The following DLC1 variants were observed in gnomAD, a reference collection of about 807,000 sequenced individuals.
DLC1 encodes the protein rho GTPase-activating protein 7.
Under a neutral mutation model 140.3 loss-of-function variants are expected in DLC1, and 54 were observed. That is an observed-to-expected ratio of 0.38 (90% CI 0.31 to 0.48). DLC1 has a LOEUF of 0.48. Among genes scored for constraint, DLC1 ranks in the 20% least tolerant of loss-of-function variants. The probability of loss-of-function intolerance (pLI) is 0.96; values close to 1 mark genes in which losing one functional copy is unlikely to be tolerated. For missense variants in DLC1, 2,536 were observed against 1,907.0 expected, an observed-to-expected ratio of 1.33 and a Z score of -6.14; for synonymous variants, 986 against 728.1, an observed-to-expected ratio of 1.35 and a Z score of -5.70.
At chr8:13,175,818 C>T (rs1825729094) in intron 5 of DLC1, among the ~76,000 whole-genome samples, 1 of 152,152 alleles carries the variant, frequency 6.6e-6, no homozygotes, top group South Asian at 2.1e-4. Flanking sequence ...AATCATGATA[C>T]AGAACTGTTC....
chr8:13,454,850 GC>G (rs1160299884), intron 2 of DLC1, among the ~76,000 whole-genome samples: 1 of 152,094 alleles, frequency 6.6e-6, no homozygotes, highest in African/African-American at 2.4e-5. Flanking sequence ...ATTGTGCCTG[GC>G]CAAGAGTTTT....
At chr8:13,367,275 T>C (rs767645961) in intron 4 of DLC1, among the ~76,000 whole-genome samples, 1 of 152,162 alleles carries the variant, frequency 6.6e-6, no homozygotes, top group South Asian at 2.1e-4. Flanking sequence ...ACTCAGGACG[T>C]GAAATGCATC....
intron 4 of DLC1, among the ~76,000 whole-genome samples, chr8:13,359,024 C>T (rs1340994244): frequency 3.9e-5 from 6 of 152,258 alleles, no homozygotes; most frequent in African/African-American, 1.4e-4. Context: ...CTGCAAGCTC[C>T]GCGTCCCGGG....
At chr8:13,413,942 G>A (rs935913622) in intron 2 of DLC1, among the ~76,000 whole-genome samples, 4 of 152,018 alleles carry the variant, frequency 2.6e-5, no homozygotes, top group Middle Eastern at 3.4e-3. Flanking sequence ...CTGGGAGAGG[G>A]GCAAAGAAAC....
At chr8:13,565,541 A>C (rs1230932092) in intron 1 of DLC1, among the ~76,000 whole-genome samples, 1 of 152,208 alleles carries the variant, frequency 6.6e-6, no homozygotes, top group Admixed American at 6.5e-5. Flanking sequence ...TGAATAAATG[A>C]AGTTGGAGTC....
At chr8:13,445,544 G>A (rs1252612466) in intron 2 of DLC1, among the ~76,000 whole-genome samples, 5 of 152,216 alleles carry the variant, frequency 3.3e-5, no homozygotes, top group African/African-American at 1.2e-4. Flanking sequence ...AATGATTAAA[G>A]CTGTCAATTA....
At chr8:13,458,732 C>G (rs79999369) in intron 2 of DLC1, among the ~76,000 whole-genome samples, 5,251 of 152,060 alleles carry the variant, frequency 0.035, 308 homozygotes, top group African/African-American at 0.12. Context: ...ATTTCTTTCC[C>G]TCAAAGCAGA....
intron 1 of DLC1, among the ~76,000 whole-genome samples, chr8:13,582,319 C>T (rs1049332598): frequency 5.3e-5 from 8 of 152,136 alleles, no homozygotes; most frequent in East Asian, 3.9e-4. Context: ...ATGGTTAATA[C>T]TAAATGTCAA....
At chr8:13,265,446 ATACTT>A (rs1830645563) in intron 5 of DLC1, among the ~76,000 whole-genome samples, 1 of 152,186 alleles carries the variant, frequency 6.6e-6, no homozygotes, top group African/African-American at 2.4e-5. Flanking sequence ...CACTCAGAAA[ATACTT>A]TATGCAGCAA....
intron 5 of DLC1, among the ~76,000 whole-genome samples, chr8:13,227,535 T>C (rs1026230382): frequency 4.6e-5 from 7 of 152,190 alleles, no homozygotes; most frequent in African/African-American, 1.4e-4. Flanking sequence ...ATTCAAGATA[T>C]AGGCTATCTC....
chr8:13,495,459 C>G (rs1447728738), intron 2 of DLC1, among the ~76,000 whole-genome samples: 1 of 152,152 alleles, frequency 6.6e-6, no homozygotes, highest in East Asian at 1.9e-4. Context: ...TGTCACCCAA[C>G]CTTATGGCAC....
At chr8:13,174,471 C>G (rs769467376) in intron 5 of DLC1, among the ~76,000 whole-genome samples, 1 of 152,210 alleles carries the variant, frequency 6.6e-6, no homozygotes, top group African/African-American at 2.4e-5. Context: ...AACTAAGGTA[C>G]ATTCCTACCA....
intron 1 of DLC1, among the ~76,000 whole-genome samples, chr8:13,546,898 C>T (rs1250533008): frequency 6.6e-6 from 1 of 152,042 alleles, no homozygotes; most frequent in Non-Finnish European, 1.5e-5. Flanking sequence ...CTGAAGTAGA[C>T]ATTTTATGTA....
At chr8:13,377,493 C>T (rs1836054349) in intron 4 of DLC1, among the ~76,000 whole-genome samples, 1 of 152,000 alleles carries the variant, frequency 6.6e-6, no homozygotes, top group African/African-American at 2.4e-5. Flanking sequence ...AGGTGAGTAA[C>T]CTTGAAAATT....
In DLC1 at chr8:13,132,913, A is replaced by G. The variant is rs10107321; in HGVS notation, c.1349-17256T>C. On this transcript the variant is annotated intron_variant, in intron 5 of 17. Coordinates refer to ENST00000276297, the MANE Select transcript of DLC1 (RefSeq NM_182643.3). The stretch of plus-strand genomic sequence containing the variant: ...CCCTCCGCAGCCCGCTCCCGCGGCC[A>G]GCCCGACGGCAAGACGCAAGTCTAG... The G allele has an allele frequency of 0.31, 484,892 of 1,578,272 alleles. 77,060 individuals carry two copies. The highest frequency in any genetic ancestry group is 0.53 in the Admixed American group (28,083 of 53,366).
intron 5 of DLC1, among the ~76,000 whole-genome samples, chr8:13,289,636 T>A (rs865946113): frequency 7.2e-5 from 11 of 152,316 alleles, no homozygotes; most frequent in Middle Eastern, 3.4e-3. Flanking sequence ...CAGACAAAAA[T>A]TCCTTTTATG....
At chr8:13,260,088 C>A (rs931094890) in intron 5 of DLC1, among the ~76,000 whole-genome samples, 2 of 152,052 alleles carry the variant, frequency 1.3e-5, no homozygotes, top group Non-Finnish European at 2.9e-5. Flanking sequence ...AGTGCTTTAG[C>A]GGAACAGCAA....
chr8:13,426,242 T>C (rs1038491635), intron 2 of DLC1, among the ~76,000 whole-genome samples: 1 of 152,150 alleles, frequency 6.6e-6, no homozygotes, highest in Non-Finnish European at 1.5e-5. Flanking sequence ...GAAATTATAG[T>C]CATTATGAAT....
chr8:13,224,362 C>G (rs551632368), intron 5 of DLC1, among the ~76,000 whole-genome samples: 1 of 152,318 alleles, frequency 6.6e-6, no homozygotes, highest in Admixed American at 6.5e-5. Context: ...GTCAGAAGAA[C>G]TTGTCCATGA....
Sources: gnomAD v4.1 joint callset for allele counts (sites outside exome capture counted in the v4.1 genomes callset) on GRCh38, gnomAD v4.1.1 for gene constraint, MANE v1.5 for transcripts, NCBI Gene and HGNC (gene_info 2026-07-23, HGNC 2026-07-21) for gene names.